The following ATP10B variants were observed in gnomAD, a reference collection of about 807,000 sequenced individuals.
ATP10B encodes the protein ATPase phospholipid transporting 10B (putative), also known as phospholipid-transporting ATPase VB.
A neutral mutation model predicts 141.2 loss-of-function variants in ATP10B; 122 were observed. The ratio of observed to expected loss-of-function variants is 0.86; its 90% CI spans 0.75 to 1.00. The LOEUF (loss-of-function observed/expected upper bound fraction) is 1.00, where lower values mean the gene tolerates loss of function less well. Among genes scored for constraint, ATP10B ranks in the 50% least tolerant of loss-of-function variants. The probability of loss-of-function intolerance (pLI) is 0.00; values close to 1 mark genes in which losing one functional copy is unlikely to be tolerated. For synonymous variants in ATP10B, 685 were observed against 692.0 expected (o/e 0.99, Z 0.16); for missense variants, 1,876 against 1,825.3 (o/e 1.03, Z -0.51).
chr5:160,926,993 T>C, the ATP10B span, among the ~76,000 whole-genome samples: 1 of 152,234 alleles, frequency 6.6e-6, no homozygotes, highest in Non-Finnish European at 1.5e-5. Context: ...TGCAAAGGGC[T>C]CACATTACCT....
chr5:160,640,529 C>T lies in ATP10B; in HGVS notation c.932G>A (p.Arg311Gln), dbSNP rs374878756. The change falls in exon 10 of 26, where the codon CGG becomes CAG. Residue 311 changes from arginine (R) to glutamine (Q), a missense_variant. By Grantham distance (43) the Arg-to-Gln change is conservative. Coordinates refer to ENST00000327245, the MANE Select transcript of ATP10B (RefSeq NM_025153.3). ...GAAGAAGATGTCTATATTCATGCGC[C>T]GCTCAATCTTGCTGCGTTTGTACCG... Reference protein sequence around the residue: ...GPRYKRSKIERRMNIDIFFCI... With the variant: ...GPRYKRSKIEQRMNIDIFFCI... The T allele has an allele frequency of 1.5e-5, 25 of 1,613,976 alleles. No homozygotes were observed. The highest frequency in any genetic ancestry group is 1.6e-4 in the Middle Eastern group (1 of 6,084).
chr5:160,608,201 T>C (rs527395998), intron 18 of ATP10B, among the ~76,000 whole-genome samples: 1 of 152,302 alleles, frequency 6.6e-6, no homozygotes, highest in East Asian at 1.9e-4. Context: ...GTCCTTGTGA[T>C]AGTTTGCTGA....
At chr5:160,651,667 G>A (rs1046556807) in intron 7 of ATP10B, among the ~76,000 whole-genome samples, 3 of 152,204 alleles carry the variant, frequency 2.0e-5, no homozygotes, top group East Asian at 1.9e-4. Context: ...GTTCAAAGGG[G>A]TAAATTGATT....
At chr5:160,637,564 T>A (rs984264588) in intron 10 of ATP10B, among the ~76,000 whole-genome samples, 5 of 152,232 alleles carry the variant, frequency 3.3e-5, no homozygotes, top group Admixed American at 1.3e-4. Flanking sequence ...GAACTCTGTT[T>A]CCTTATCTGC....
the ATP10B span, among the ~76,000 whole-genome samples, chr5:160,924,461 A>C: frequency 6.6e-6 from 1 of 152,248 alleles, no homozygotes; most frequent in Non-Finnish European, 1.5e-5. Flanking sequence ...GTAAATACTC[A>C]ATAAAAGGTA....
the ATP10B span, among the ~76,000 whole-genome samples, chr5:160,922,074 T>G: frequency 6.6e-6 from 1 of 152,192 alleles, no homozygotes; most frequent in Non-Finnish European, 1.5e-5. Flanking sequence ...AATGACATAT[T>G]TTCATGCGGG....
At chr5:160,729,775 C>A (rs150487094) in intron 2 of ATP10B, among the ~76,000 whole-genome samples, 109 of 152,140 alleles carry the variant, frequency 7.2e-4, no homozygotes, top group African/African-American at 2.6e-3. Context: ...CCATAGTGAG[C>A]AGGTGGGTTG....
rs1007798819 is a variant in ATP10B, at chr5:160,756,087, C to T, written c.-331+29472G>A. 2.0e-5 allele frequency among the ~76,000 whole-genome samples: 3 copies of T among 151,690 alleles called. No homozygotes were observed. The East Asian group carries it at 5.8e-4, about 29-fold the overall frequency. ...TTTTATAAGTCCCCACAACTCCCCA[C>T]CCCTGTTATCCAGGCAATCACTGGT... On this transcript the variant is annotated intron_variant, in intron 2 of 25. Coordinates refer to ENST00000327245, the MANE Select transcript of ATP10B (RefSeq NM_025153.3).
intron 7 of ATP10B, among the ~76,000 whole-genome samples, chr5:160,663,168 G>T (rs1459345997): frequency 1.3e-5 from 2 of 152,064 alleles, no homozygotes; most frequent in African/African-American, 4.8e-5. Flanking sequence ...TGGAGAAATA[G>T]GAACACTTTT....
chr5:160,704,899 C>G (rs545931704), intron 3 of ATP10B, among the ~76,000 whole-genome samples: 1 of 113,260 alleles, frequency 8.8e-6, no homozygotes, highest in South Asian at 2.9e-4. Flanking sequence ...TGCTAGCTTC[C>G]AACATTTCTT....
intron 1 of ATP10B, among the ~76,000 whole-genome samples, chr5:160,788,027 A>T (rs6866656): frequency 2.6e-5 from 4 of 152,050 alleles, no homozygotes; most frequent in African/African-American, 9.7e-5. Context: ...GTCCTCATCT[A>T]CTTCCTAGAG....
intron 2 of ATP10B, among the ~76,000 whole-genome samples, chr5:160,756,501 G>A (rs1196889196): frequency 1.3e-5 from 2 of 152,192 alleles, no homozygotes; most frequent in Non-Finnish European, 2.9e-5. Context: ...CAGTGTATGA[G>A]CATTCCAGTG....
intron 13 of ATP10B, among the ~76,000 whole-genome samples, chr5:160,624,708 T>A (rs1758523052): frequency 6.6e-6 from 1 of 152,192 alleles, no homozygotes; most frequent in Non-Finnish European, 1.5e-5. Context: ...CTCATCAGAT[T>A]CTTATAGTCC....
chr5:160,812,066 G>A (rs1030532725), intron 1 of ATP10B, among the ~76,000 whole-genome samples: 3 of 149,226 alleles, frequency 2.0e-5, no homozygotes, highest in African/African-American at 7.6e-5. Context: ...GAGAGGGAGA[G>A]GGAGAGAGAT....
intron 1 of ATP10B, among the ~76,000 whole-genome samples, chr5:160,796,739 G>C (rs1403036762): frequency 6.6e-6 from 1 of 152,072 alleles, no homozygotes; most frequent in African/African-American, 2.4e-5. Context: ...GTCTATTATA[G>C]ACTCTTATGG....
intron 1 of ATP10B, among the ~76,000 whole-genome samples, chr5:160,813,525 C>T (rs901698380): frequency 6.6e-6 from 1 of 152,188 alleles, no homozygotes; most frequent in African/African-American, 2.4e-5. Context: ...CTCAAGGAGG[C>T]CTGCCTGCCT....
intron 13 of ATP10B, among the ~76,000 whole-genome samples, chr5:160,631,053 A>T (rs910122244): frequency 1.3e-5 from 2 of 152,188 alleles, no homozygotes; most frequent in African/African-American, 4.8e-5. Context: ...ATATGTGGTT[A>T]TGTGTGTGTG....
At chr5:160,569,737 A>G (rs1238933421) in intron 24 of ATP10B, 54 bp from the exon 25 acceptor site, 1 of 1,383,460 alleles carries the variant, frequency 7.2e-7, no homozygotes, top group Admixed American at 2.7e-5. Context: ...ATTAGGAGGC[A>G]GGGTGATCAA....
At chr5:160,660,987 G>A (rs1761871062) in intron 7 of ATP10B, among the ~76,000 whole-genome samples, 1 of 152,184 alleles carries the variant, frequency 6.6e-6, no homozygotes, top group Non-Finnish European at 1.5e-5. Flanking sequence ...GGGAGTTTAA[G>A]ACCAGCCTGA....
Sources: gnomAD v4.1 joint callset for allele counts (sites outside exome capture counted in the v4.1 genomes callset) on GRCh38, gnomAD v4.1.1 for gene constraint, MANE v1.5 for transcripts, NCBI Gene and HGNC (gene_info 2026-07-23, HGNC 2026-07-21) for gene names.